The following TECTA variants were observed in gnomAD, a reference collection of about 807,000 sequenced individuals.
TECTA encodes the protein tectorin alpha, also known as alpha-tectorin.
TECTA carries 128 observed loss-of-function variants against 216.8 expected under a neutral mutation model. That is an observed-to-expected ratio of 0.59 (90% CI 0.51 to 0.68). TECTA has a LOEUF of 0.68. Ranked by LOEUF, TECTA falls within the 30% of genes least tolerant of loss-of-function variation. The probability of loss-of-function intolerance (pLI) is 0.00; values close to 1 mark genes in which losing one functional copy is unlikely to be tolerated. For missense variants in TECTA, 2,551 were observed against 2,786.2 expected (o/e 0.92, Z 1.90); for synonymous variants, 1,089 against 1,117.1 (o/e 0.97, Z 0.50).
chr11:121,154,756 G>A (rs1946924949), intron 13 of TECTA, among the ~76,000 whole-genome samples: 1 of 152,206 alleles, frequency 6.6e-6, no homozygotes, highest in Admixed American at 6.5e-5. Context: ...CAACACAGTA[G>A]GGCTGTTGCA....
intron 7 of TECTA, among the ~76,000 whole-genome samples, chr11:121,124,992 T>C (rs1251681240): frequency 6.6e-6 from 1 of 152,206 alleles, no homozygotes; most frequent in African/African-American, 2.4e-5. Context: ...AGAAAAGATA[T>C]GAAGCTAGCC....
At chr11:121,146,613 C>T (rs901181307) in intron 12 of TECTA, among the ~76,000 whole-genome samples, 7 of 152,254 alleles carry the variant, frequency 4.6e-5, no homozygotes, top group African/African-American at 1.4e-4. Flanking sequence ...GAACTAGAGC[C>T]CCTGGATTCT....
At chr11:121,135,138 A>T (rs972234151) in intron 10 of TECTA, among the ~76,000 whole-genome samples, 16 of 152,172 alleles carry the variant, frequency 1.1e-4, no homozygotes, top group African/African-American at 3.9e-4. Flanking sequence ...GCACTAAGGG[A>T]TTAATCTGGT....
chr11:121,116,880 G>A (rs1213553689), intron 6 of TECTA, among the ~76,000 whole-genome samples: 1 of 152,194 alleles, frequency 6.6e-6, no homozygotes, highest in Non-Finnish European at 1.5e-5. Context: ...GAGTGCTGAG[G>A]ATTAGGACCT....
intron 18 of TECTA, among the ~76,000 whole-genome samples, chr11:121,167,709 G>T (rs140792701): frequency 1.3e-4 from 20 of 152,268 alleles, no homozygotes; most frequent in African/African-American, 4.8e-4. Context: ...ATTAAGCATT[G>T]AAAAAGAAGA....
chr11:121,114,082 A>T (rs1946473185), intron 6 of TECTA, among the ~76,000 whole-genome samples: 1 of 151,852 alleles, frequency 6.6e-6, no homozygotes, highest in African/African-American at 2.4e-5. Context: ...CCCGCCCTTT[A>T]TGTTTTTCTT....
At chr11:121,152,577 TG>T (rs931424785) in intron 12 of TECTA, among the ~76,000 whole-genome samples, 5 of 152,078 alleles carry the variant, frequency 3.3e-5, no homozygotes, top group Admixed American at 3.3e-4. Context: ...GAGATTCAGA[TG>T]GGCGGTGGGT....
In TECTA at chr11:121,105,010, T is replaced by A. The variant is rs1262924813; in HGVS notation, c.65-821T>A. Among the ~76,000 whole-genome samples, 1 of 152,170 alleles carries A rather than the reference T, an allele frequency of 6.6e-6. No individual in the cohort carries two copies. The highest frequency in any genetic ancestry group is 1.5e-5 in the Non-Finnish European group (1 of 68,028). On this transcript the variant is annotated intron_variant, in intron 2 of 23. Coordinates refer to ENST00000392793, the MANE Select transcript of TECTA (RefSeq NM_005422.4). This position sits in a 1 kb window ranked among gnomAD's most constrained non-coding sequence, Gnocchi z 5.3. ...AGTGATGCAGACCCTAGGGAACTTGTCTCATTTCTCCCACAAAACTGAGCC... is the reference window on the plus strand; with the variant it reads ...AGTGATGCAGACCCTAGGGAACTTGACTCATTTCTCCCACAAAACTGAGCC...
intron 20 of TECTA, among the ~76,000 whole-genome samples, chr11:121,184,351 T>C (rs922264458): frequency 1.3e-5 from 2 of 152,224 alleles, no homozygotes; most frequent in African/African-American, 4.8e-5. Context: ...ACTCACATTC[T>C]TATAGCATTG....
intron 13 of TECTA, among the ~76,000 whole-genome samples, chr11:121,154,524 A>G (rs982545698): frequency 1.3e-5 from 2 of 152,160 alleles, no homozygotes; most frequent in African/African-American, 4.8e-5. Context: ...CTCAAAAAGC[A>G]CTCTCTAAAC....
chr11:121,134,836 T>C (rs1946710554), intron 10 of TECTA, among the ~76,000 whole-genome samples: 1 of 151,960 alleles, frequency 6.6e-6, no homozygotes, highest in Non-Finnish European at 1.5e-5. Context: ...GCGTCGTGTG[T>C]GCCAAGTTAG....
chr11:121,174,871 C>T (rs1947149033), intron 20 of TECTA, among the ~76,000 whole-genome samples: 1 of 152,182 alleles, frequency 6.6e-6, no homozygotes, highest in Non-Finnish European at 1.5e-5. Context: ...ATTTCAGAGC[C>T]TGTTACTGAT....
chr11:121,132,011 A>C (rs1946680021), intron 10 of TECTA, among the ~76,000 whole-genome samples: 1 of 152,176 alleles, frequency 6.6e-6, no homozygotes, highest in African/African-American at 2.4e-5. Flanking sequence ...TAATCATATA[A>C]TTAATACATA....
intron 2 of TECTA, 120 bp downstream of exon 2, chr11:121,102,849 A>G: frequency 1.2e-6 from 1 of 847,170 alleles, no homozygotes; most frequent in Non-Finnish European, 2.0e-6. Flanking sequence ...GATACAAGAG[A>G]AAAATGTAAT....
chr11:121,157,918 G>C lies in TECTA; in HGVS notation c.4383G>C (p.Pro1461=). ...GTCGCAACGTGATTCAGTGCGACCC[G>C]CGCCAATGCAAGTCAGACGAGGAGT... ...CFRRNVIQCD[P]RQCKSDEECA... The change falls in exon 14 of 24, where the codon CCG becomes CCC. Residue 1461 remains proline (P), a synonymous_variant. Transcript: ENST00000392793. The C allele has an allele frequency of 6.2e-7, 1 of 1,614,168 alleles. No homozygotes were observed. The highest frequency in any genetic ancestry group is 8.5e-7 in the Non-Finnish European group (1 of 1,180,036).
chr11:121,170,011 G>A (rs1947095307), intron 20 of TECTA, among the ~76,000 whole-genome samples: 1 of 151,970 alleles, frequency 6.6e-6, no homozygotes, highest in Non-Finnish European at 1.5e-5. Flanking sequence ...CTTCATCCCA[G>A]CTTCTTTCCC....
At chr11:121,160,033 C>A in intron 14 of TECTA, 102 bp from the exon 15 acceptor site, 1 of 1,369,508 alleles carries the variant, frequency 7.3e-7, no homozygotes, top group African/African-American at 1.4e-5. Context: ...ACAGAGATCA[C>A]AGGGCCTGCG....
chr11:121,171,537 T>A (rs564653780), intron 20 of TECTA, among the ~76,000 whole-genome samples: 1 of 152,298 alleles, frequency 6.6e-6, no homozygotes, highest in East Asian at 1.9e-4. Flanking sequence ...CTTAACAATT[T>A]TAATTCTCCC....
chr11:121,168,451 TG>T, intron 19 of TECTA: 1 of 840,194 alleles, frequency 1.2e-6, no homozygotes, highest in Non-Finnish European at 1.9e-6. Context: ...GCACTTGAAA[TG>T]TGGCTCAGGG....
Sources: allele counts gnomAD v4.1 joint callset (sites outside exome capture counted in the v4.1 genomes callset), GRCh38; gene constraint gnomAD v4.1.1; non-coding constraint Gnocchi (gnomAD v3.1); transcripts MANE v1.5; gene names NCBI Gene and HGNC (gene_info 2026-07-23, HGNC 2026-07-21).